Variants in IPO11 observed in about 807,000 individuals in gnomAD.
The protein encoded by IPO11 is importin-11.
A neutral mutation model predicts 143.2 loss-of-function variants in IPO11; 66 were observed. The observed-to-expected ratio is 0.46, with a 90% confidence interval of 0.38 to 0.57. IPO11 has a LOEUF of 0.57. Ranked by LOEUF, IPO11 falls within the 20% of genes least tolerant of loss-of-function variation. The probability of loss-of-function intolerance (pLI) is 0.00; values close to 1 mark genes in which losing one functional copy is unlikely to be tolerated. For synonymous variants in IPO11, 385 were observed against 377.8 expected (o/e 1.02, Z -0.22); for missense variants, 1,026 against 1,141.0 (o/e 0.90, Z 1.45).
intron 27 of IPO11, among the ~76,000 whole-genome samples, chr5:62,567,409 T>C (rs1243081810): frequency 6.6e-6 from 1 of 151,698 alleles, no homozygotes; most frequent in Admixed American, 6.6e-5. Context: ...TTGAATCTCC[T>C]TGGTGGTCTT....
At chr5:62,557,107 G>C (rs1473959952) in intron 26 of IPO11, among the ~76,000 whole-genome samples, 2 of 152,094 alleles carry the variant, frequency 1.3e-5, no homozygotes, top group Admixed American at 1.3e-4. Flanking sequence ...GGCCTCACTT[G>C]TGAGTGCCCC....
chr5:62,560,499 A>G (rs1048576558), intron 26 of IPO11, among the ~76,000 whole-genome samples: 1 of 152,230 alleles, frequency 6.6e-6, no homozygotes, highest in Non-Finnish European at 1.5e-5. Flanking sequence ...GTAAATGTTA[A>G]TCACATCTAC....
chr5:62,424,460 T>C (rs1743642808), intron 1 of IPO11, among the ~76,000 whole-genome samples: 1 of 151,106 alleles, frequency 6.6e-6, no homozygotes, highest in South Asian at 2.1e-4. Flanking sequence ...TGAGAAGAAG[T>C]CTCTCTCTGT....
chr5:62,538,516 C>T (rs188629984), intron 24 of IPO11, among the ~76,000 whole-genome samples: 1 of 152,220 alleles, frequency 6.6e-6, no homozygotes, highest in African/African-American at 2.4e-5. Flanking sequence ...TTTATAAGGG[C>T]CTCCTCCCGC....
chr5:62,483,017 G>A, intron 9 of IPO11, 84 bp from the exon 10 acceptor site: 1 of 878,834 alleles, frequency 1.1e-6, no homozygotes, highest in East Asian at 2.7e-5. Flanking sequence ...ATGATTATTA[G>A]TAAAGTTATA....
At chr5:62,435,679 C>T (rs562886823) in intron 1 of IPO11, among the ~76,000 whole-genome samples, 8 of 151,314 alleles carry the variant, frequency 5.3e-5, no homozygotes, top group African/African-American at 1.9e-4. Context: ...GAGCCGAGAT[C>T]GTGCCACTGC....
intron 29 of IPO11, among the ~76,000 whole-genome samples, chr5:62,626,654 C>T (rs1173770058): frequency 1.3e-5 from 2 of 148,362 alleles, no homozygotes; most frequent in African/African-American, 2.5e-5. Context: ...CAGTGGGAGA[C>T]GAGGAGTCCC....
At chr5:62,549,093 GT>G (rs1554054769) in intron 24 of IPO11, among the ~76,000 whole-genome samples, 1 of 39,298 alleles carries the variant, frequency 2.5e-5, no homozygotes, top group South Asian at 9.3e-4. Flanking sequence ...TTGTGTTTTT[GT>G]TTTTTGTTTT....
chr5:62,418,856 A>T (rs932423631), intron 1 of IPO11: 1 of 759,522 alleles, frequency 1.3e-6, no homozygotes, highest in Non-Finnish European at 2.0e-6. Context: ...CCTTATTCTT[A>T]TATGCCTGTG....
rs529891864 is a variant in IPO11, at chr5:62,508,620, G to C, written c.1782+2263G>C. ...CCTTTCTCCCTCCCTCCCTCCCTCC[G>C]TCTCTCTCTCTTTCTTTCTTTCACA... On this transcript the variant is annotated intron_variant, in intron 19 of 29. Coordinates refer to ENST00000325324, the MANE Select transcript of IPO11 (RefSeq NM_016338.5). Among the ~76,000 whole-genome samples, 11 of 115,240 alleles carry C rather than the reference G, an allele frequency of 9.5e-5. No individual in the cohort carries two copies. The Admixed American group carries it at 1.1e-3, about 11-fold the overall frequency. The allele number at this position is 115,240 out of a possible 152,430, so 75.6% of individuals were successfully genotyped here. A position where few individuals can be genotyped will look rare whatever the true frequency, so the allele number is the denominator to read the frequency against.
At chr5:62,586,622 A>T (rs547878452) in intron 27 of IPO11, among the ~76,000 whole-genome samples, 32 of 151,448 alleles carry the variant, frequency 2.1e-4, no homozygotes, top group Middle Eastern at 3.4e-3. Flanking sequence ...ATGGTGGCAC[A>T]TGCGTGTATT....
At chr5:62,487,656 T>G in intron 12 of IPO11, 115 bp from the exon 13 acceptor site, 1 of 1,122,186 alleles carries the variant, frequency 8.9e-7, no homozygotes, top group Non-Finnish European at 1.1e-6. Context: ...AAATCAAAAG[T>G]TGGAAACATT....
chr5:62,563,922 T>G (rs866498980), intron 27 of IPO11, among the ~76,000 whole-genome samples: 13 of 152,280 alleles, frequency 8.5e-5, no homozygotes, highest in Middle Eastern at 6.8e-3. Flanking sequence ...TATTAAGACT[T>G]GAAATTCTCT....
At chr5:62,413,062 C>G (rs915153958) in intron 1 of IPO11, 133 bp downstream of exon 1, 4 of 152,374 alleles carry the variant, frequency 2.6e-5, no homozygotes, top group Non-Finnish European at 4.4e-5. Flanking sequence ...GCAAGGGCGG[C>G]CTGCAGACTT....
Position 62,431,953 on chromosome 5 carries a change from A to G in IPO11, c.-6-5321A>G, listed in dbSNP as rs1042192230. ...AAGACTCACATACATACATACATAC[A>G]TACATACATACATACATACGGCATG... On this transcript the variant is annotated intron_variant, in intron 1 of 29. Transcript: ENST00000325324. 4.0e-5 allele frequency among the ~76,000 whole-genome samples: 6 copies of G among 151,288 alleles called. No homozygotes were observed. The East Asian group carries it at 7.8e-4, about 20-fold the overall frequency.
intron 16 of IPO11, among the ~76,000 whole-genome samples, chr5:62,495,680 A>G (rs2112245196): frequency 6.6e-6 from 1 of 152,228 alleles, no homozygotes; most frequent in Admixed American, 6.5e-5. Flanking sequence ...CACATTGCCC[A>G]GGCTGGTCTT....
At position 62,523,205 on chromosome 5, in the gene IPO11, C is replaced by CT. The variant is rs200140676; in HGVS notation, c.1897-2928dup. Among the ~76,000 whole-genome samples the CT allele has an allele frequency of 6.6e-3, 999 of 151,536 alleles. 7 individuals carry two copies. The highest frequency in any genetic ancestry group is 0.024 in the Middle Eastern group (7 of 292). On this transcript the variant is annotated intron_variant, in intron 20 of 29. Transcript: ENST00000325324. ...TGTCTTTGTATTTCTGTTTTTAGTTCTTTTTTTTTAAATCCTCCTGTATCC... is the reference window on the plus strand; with the variant it reads ...TGTCTTTGTATTTCTGTTTTTAGTTCTTTTTTTTTTAAATCCTCCTGTATCC...
chr5:62,610,078 C>T (rs1424035518), intron 29 of IPO11, among the ~76,000 whole-genome samples: 1 of 152,196 alleles, frequency 6.6e-6, no homozygotes, highest in Non-Finnish European at 1.5e-5. Flanking sequence ...CATCCACCGG[C>T]TGCCTCTGGC....
chr5:62,581,936 G>A (rs1387758970), intron 27 of IPO11, among the ~76,000 whole-genome samples: 2 of 152,158 alleles, frequency 1.3e-5, no homozygotes, highest in Non-Finnish European at 2.9e-5. Flanking sequence ...AATTAGCCCA[G>A]TGAAGAGAGC....
Sources: gnomAD v4.1 joint callset for allele counts (sites outside exome capture counted in the v4.1 genomes callset) on GRCh38, gnomAD v4.1.1 for gene constraint, MANE v1.5 for transcripts, NCBI Gene and HGNC (gene_info 2026-07-23, HGNC 2026-07-21) for gene names.